GRHL2: variants seen among roughly 807,000 people sequenced by gnomAD.
GRHL2 encodes the protein grainyhead-like protein 2 homolog.
A neutral mutation model predicts 83.8 loss-of-function variants in GRHL2; 21 were observed. That is an observed-to-expected ratio of 0.25 (90% CI 0.18 to 0.36). GRHL2 has a LOEUF of 0.36. Ranked by LOEUF, GRHL2 falls within the 10% of genes least tolerant of loss-of-function variation. The pLI is 1.00. For missense variants in GRHL2, 623 were observed against 781.8 expected, an observed-to-expected ratio of 0.80 and a Z score of 2.42; for synonymous variants, 280 against 278.9, an observed-to-expected ratio of 1.00 and a Z score of -0.04.
At chr8:101,566,432 T>C (rs905316803) in intron 4 of GRHL2, among the ~76,000 whole-genome samples, 3 of 151,830 alleles carry the variant, frequency 2.0e-5, no homozygotes, top group Non-Finnish European at 2.9e-5. Context: ...TCCTCCCTCT[T>C]GCAAATGCTC....
intron 8 of GRHL2, among the ~76,000 whole-genome samples, chr8:101,616,200 C>T (rs1257082685): frequency 6.6e-6 from 1 of 150,880 alleles, no homozygotes; most frequent in Non-Finnish European, 1.5e-5. Flanking sequence ...GACAGAGTTT[C>T]ACTCTTGTTG....
rs1563556001 is a variant in GRHL2 at position 101,509,117 on chromosome 8, CCTTCCTTCCT to C, written c.20+16329_20+16338del. Among the ~76,000 whole-genome samples the C allele has an allele frequency of 4.4e-3, 252 of 57,846 alleles. 2 individuals carry two copies. Among genetic ancestry groups the C allele is most frequent in the African/African-American group, 7.4e-3 (136 of 18,352 alleles). 37.9% of individuals were successfully genotyped at this position (57,846 alleles called of 152,430 possible). The stretch of plus-strand genomic sequence containing the variant: ...TCTTTCTTTCTTTCTCTCCTTCCTT[CCTTCCTTCCT>C]TCCTTCCTTCCTTCCTTCCTTCCTT... On this transcript the variant is annotated intron_variant, in intron 1 of 15. Coordinates refer to ENST00000646743, the MANE Select transcript of GRHL2 (RefSeq NM_024915.4).
intron 1 of GRHL2, among the ~76,000 whole-genome samples, chr8:101,511,055 C>G (rs200247515): frequency 6.6e-6 from 1 of 151,868 alleles, no homozygotes; most frequent in African/African-American, 2.4e-5. Flanking sequence ...GAGTGGAGAT[C>G]GTGCCACTGC....
chr8:101,520,856 G>C (rs1001262710), intron 1 of GRHL2, among the ~76,000 whole-genome samples: 3 of 152,082 alleles, frequency 2.0e-5, no homozygotes, highest in Non-Finnish European at 4.4e-5. Context: ...CAGGGACCTT[G>C]CACATGCTGT....
At chr8:101,678,116 C>A in the GRHL2 span, among the ~76,000 whole-genome samples, 1 of 152,192 alleles carries the variant, frequency 6.6e-6, no homozygotes, top group African/African-American at 2.4e-5. Context: ...CAGTCTACAG[C>A]TCCCAGCGTG....
intron 2 of GRHL2, among the ~76,000 whole-genome samples, chr8:101,546,079 G>A (rs1286267683): frequency 2.6e-5 from 4 of 151,438 alleles, no homozygotes; most frequent in South Asian, 4.2e-4. Flanking sequence ...ATGGGGTTTC[G>A]CCATATTGGC....
intron 8 of GRHL2, among the ~76,000 whole-genome samples, chr8:101,605,627 G>A (rs567546798): frequency 6.6e-6 from 1 of 152,272 alleles, no homozygotes; most frequent in East Asian, 1.9e-4. Context: ...AGCACTTCCA[G>A]CACATAGGGC....
At chr8:101,671,048 G>T (rs1814197089), downstream of GRHL2, among the ~76,000 whole-genome samples, 1 of 152,222 alleles carries the variant, frequency 6.6e-6, no homozygotes, top group South Asian at 2.1e-4. Flanking sequence ...GTGGAGCCAA[G>T]ATGGCTACAT....
chr8:101,508,431 G>A (rs917054155), intron 1 of GRHL2, among the ~76,000 whole-genome samples: 1 of 106,724 alleles, frequency 9.4e-6, no homozygotes, highest in African/African-American at 3.5e-5. Flanking sequence ...ATCTTTGTTT[G>A]CTTTAAATAT....
chr8:101,651,607 C>T (rs1370019447), intron 14 of GRHL2, among the ~76,000 whole-genome samples: 3 of 152,176 alleles, frequency 2.0e-5, no homozygotes, highest in Admixed American at 1.3e-4. Context: ...CACCTTCGAT[C>T]CCACCTAAAC....
At chr8:101,521,563 T>C (rs1343318691) in intron 1 of GRHL2, among the ~76,000 whole-genome samples, 1 of 152,206 alleles carries the variant, frequency 6.6e-6, no homozygotes, top group African/African-American at 2.4e-5. Flanking sequence ...GGGCAGAGAC[T>C]GGGTCTGTCT....
rs147410288 is a variant in GRHL2 at position 101,574,297 on chromosome 8, C to T, written c.891+473C>T. On this transcript the variant is annotated intron_variant, in intron 6 of 15. Transcript: ENST00000646743. ...CTTTCTCAGGGTTCCAGAGATGAGG[C>T]ACGATCCCCACCAGGAGTCACTTGG... Among the ~76,000 whole-genome samples the T allele has an allele frequency of 2.5e-3, 386 of 152,292 alleles. 2 individuals are homozygous for T. Among genetic ancestry groups the T allele is most frequent in the African/African-American group, 8.7e-3 (363 of 41,560 alleles).
At chr8:101,495,140 G>A (rs561353148) in intron 1 of GRHL2, among the ~76,000 whole-genome samples, 1 of 152,186 alleles carries the variant, frequency 6.6e-6, no homozygotes, top group Non-Finnish European at 1.5e-5. Flanking sequence ...AAGTAAACGG[G>A]CCCCTGGGTA....
chr8:101,613,437 T>C (rs28657596), intron 8 of GRHL2, among the ~76,000 whole-genome samples: 20,901 of 150,822 alleles, frequency 0.14, 2,017 homozygotes, highest in African/African-American at 0.16. Context: ...GCGGGTAGTC[T>C]GTCTTGCATC....
chr8:101,632,442 C>CA, intron 11 of GRHL2, 77 bp downstream of exon 11: 1 of 1,535,132 alleles, frequency 6.5e-7, no homozygotes, highest in Non-Finnish European at 9.0e-7. Flanking sequence ...GCATTTCAGA[C>CA]AGTGTTGACC....
intron 1 of GRHL2, among the ~76,000 whole-genome samples, chr8:101,518,032 C>A (rs1810606848): frequency 6.6e-6 from 1 of 152,164 alleles, no homozygotes; most frequent in Admixed American, 6.6e-5. Flanking sequence ...AGCTTTCAGG[C>A]TCCACACACT....
chr8:101,664,111 G>T (rs1813988639), intron 14 of GRHL2, among the ~76,000 whole-genome samples: 1 of 151,996 alleles, frequency 6.6e-6, no homozygotes, highest in Non-Finnish European at 1.5e-5. Context: ...AATGTATTTT[G>T]GTGTAAGGAG....
In GRHL2 at chr8:101,654,065, C is replaced by T. The variant is rs60376070; in HGVS notation, c.1698+4566C>T. On this transcript the variant is annotated intron_variant, in intron 14 of 15. Transcript: ENST00000646743. The stretch of plus-strand genomic sequence containing the variant: ...ACAGACTATTATTTCATAACCGCAT[C>T]GCAGCGGATTTTAGGAATTGGCCTG... Among the ~76,000 whole-genome samples the T allele has an allele frequency of 5.2e-3, 797 of 152,282 alleles. 5 individuals are homozygous for T. The highest frequency in any genetic ancestry group is 0.017 in the African/African-American group (700 of 41,552).
intron 1 of GRHL2, among the ~76,000 whole-genome samples, chr8:101,524,778 TAAAA>T (rs1475681082): frequency 6.6e-6 from 1 of 152,112 alleles, no homozygotes; most frequent in African/African-American, 2.4e-5. Context: ...CATGGGTACT[TAAAA>T]AATAATACTG....
Sources: allele counts gnomAD v4.1 joint callset (sites outside exome capture counted in the v4.1 genomes callset), GRCh38; gene constraint gnomAD v4.1.1; transcripts MANE v1.5; gene names NCBI Gene and HGNC (gene_info 2026-07-23, HGNC 2026-07-21).